The following TPTE2 variants were observed in gnomAD, a reference collection of about 807,000 sequenced individuals.
TPTE2 encodes phosphatidylinositol 3,4,5-trisphosphate 3-phosphatase TPTE2.
Under a neutral mutation model 78.6 loss-of-function variants are expected in TPTE2, and 53 were observed. That is an observed-to-expected ratio of 0.67 (90% CI 0.54 to 0.85). The LOEUF is 0.85. Ranked by LOEUF, TPTE2 falls within the 40% of genes least tolerant of loss-of-function variation. TPTE2 has a pLI of 0.00. For synonymous variants in TPTE2, 175 were observed against 206.2 expected, an observed-to-expected ratio of 0.85 and a Z score of 1.30; for missense variants, 461 against 623.0, an observed-to-expected ratio of 0.74 and a Z score of 2.77.
chr13:19,467,451 A>G, intron 6 of TPTE2, 107 bp from the exon 10 acceptor site: 1 of 821,338 alleles, frequency 1.2e-6, no homozygotes. Context: ...GAATTCTACT[A>G]TCATGAATTA....
upstream of TPTE2, among the ~76,000 whole-genome samples, chr13:19,540,297 T>A (rs1392901127): frequency 6.7e-6 from 1 of 148,972 alleles, no homozygotes; most frequent in Non-Finnish European, 1.5e-5. Flanking sequence ...ATTATTATTA[T>A]TATTATTATT....
At chr13:19,527,032 G>A (rs1319060985) in intron 1 of TPTE2, among the ~76,000 whole-genome samples, 3 of 152,140 alleles carry the variant, frequency 2.0e-5, no homozygotes, top group Admixed American at 6.5e-5. Flanking sequence ...AAGGCCGGGC[G>A]TGGTGGCTCA....
At chr13:19,511,230 T>G (rs1869419495) in intron 1 of TPTE2, among the ~76,000 whole-genome samples, 1 of 152,218 alleles carries the variant, frequency 6.6e-6, no homozygotes, top group Admixed American at 6.5e-5. Context: ...CACTAGGGGA[T>G]GCATGCTGTG....
At chr13:19,474,070 A>G (rs1879795322) in exon 6 of TPTE2, 1 of 1,542,322 alleles carries the variant, frequency 6.5e-7, no homozygotes, top group South Asian at 1.2e-5. Flanking sequence ...GAAAACTCCA[A>G]ATATTCTAAA....
intron 4 of TPTE2, among the ~76,000 whole-genome samples, chr13:19,477,302 A>G (rs998434936): frequency 1.3e-5 from 2 of 152,048 alleles, no homozygotes; most frequent in African/African-American, 2.4e-5. Flanking sequence ...ATGTTAAAAA[A>G]AAAAAACCTC....
chr13:19,503,175 A>G, intron 1 of TPTE2, 49 bp downstream of exon 4: 2 of 1,612,270 alleles, frequency 1.2e-6, no homozygotes, highest in Non-Finnish European at 1.7e-6. Flanking sequence ...GAATACTTCT[A>G]TGCTCAGTTA....
At chr13:19,501,911 T>G (rs1312267624) in intron 1 of TPTE2, among the ~76,000 whole-genome samples, 1 of 151,296 alleles carries the variant, frequency 6.6e-6, no homozygotes, top group Non-Finnish European at 1.5e-5. Context: ...GATAAAGGGC[T>G]AATATCCAGA....
chr13:19,460,526 C>G (rs987386412), intron 10 of TPTE2, among the ~76,000 whole-genome samples: 1 of 152,132 alleles, frequency 6.6e-6, no homozygotes, highest in Non-Finnish European at 1.5e-5. Context: ...CTAAACATTT[C>G]TTTTTTAGCC....
the TPTE2 span, chr13:19,560,689 G>T: frequency 4.2e-5 from 64 of 1,512,346 alleles, 2 homozygotes; most frequent in South Asian, 7.2e-4. Flanking sequence ...CATTAGATGA[G>T]ACACCAGTGC....
chr13:19,493,053 G>T, intron 2 of TPTE2, 150 bp from the exon 6 acceptor site: 1 of 1,078,796 alleles, frequency 9.3e-7, no homozygotes, highest in Non-Finnish European at 1.3e-6. Flanking sequence ...TAGGAACTAA[G>T]GGTGGCAATT....
At chr13:19,437,541 T>A (rs1877185676) in intron 14 of TPTE2, among the ~76,000 whole-genome samples, 1 of 152,168 alleles carries the variant, frequency 6.6e-6, no homozygotes, top group Admixed American at 6.5e-5. Flanking sequence ...CTAAGAGTTG[T>A]GAGGATGGGC....
intron 15 of TPTE2, among the ~76,000 whole-genome samples, chr13:19,433,174 G>A (rs1328713558): frequency 1.3e-5 from 2 of 152,044 alleles, no homozygotes; most frequent in South Asian, 2.1e-4. Flanking sequence ...TTTCTTCAAG[G>A]TATTGAAGAG....
At chr13:19,480,267 C>T (rs1202457256) in intron 4 of TPTE2, among the ~76,000 whole-genome samples, 1 of 152,122 alleles carries the variant, frequency 6.6e-6, no homozygotes, top group Non-Finnish European at 1.5e-5. Context: ...GGTCTTCCTG[C>T]TCACTCTAGA....
chr13:19,475,690 A>C, intron 4 of TPTE2, 67 bp from the exon 8 acceptor site: 1 of 1,497,596 alleles, frequency 6.7e-7, no homozygotes, highest in Non-Finnish European at 9.0e-7. Flanking sequence ...ACCAAAAAAC[A>C]AAGGCCTTTA....
intron 1 of TPTE2, among the ~76,000 whole-genome samples, chr13:19,534,279 A>G (rs1871068352): frequency 1.3e-5 from 2 of 152,332 alleles, no homozygotes; most frequent in South Asian, 4.1e-4. Context: ...GACTTGAAGT[A>G]TGGTTTCTAC....
the TPTE2 span, among the ~76,000 whole-genome samples, chr13:19,548,461 A>G: frequency 3.3e-5 from 5 of 151,870 alleles, no homozygotes; most frequent in Non-Finnish European, 7.4e-5. Context: ...AACTTATCTC[A>G]CTGTTCTTCT....
intron 13 of TPTE2, 156 bp from the exon 17 acceptor site, chr13:19,438,309 T>A: frequency 1.0e-6 from 1 of 985,324 alleles, no homozygotes; most frequent in Non-Finnish European, 1.2e-6. Context: ...CAATCTTGGC[T>A]CATTGCAACC....
At chr13:19,423,446 G>A (rs1353704938) in intron 19 of TPTE2, among the ~76,000 whole-genome samples, 3 of 152,146 alleles carry the variant, frequency 2.0e-5, no homozygotes, top group East Asian at 1.9e-4. Flanking sequence ...ATTTCTCTCT[G>A]TGACAGAAAT....
At chr13:19,505,620 G>C (rs1399494439), upstream of TPTE2, 2 of 152,078 alleles carry the variant, frequency 1.3e-5, no homozygotes, top group African/African-American at 4.8e-5. Context: ...CCTACAAAAT[G>C]ATTGTGGGTT....
Sources: allele counts gnomAD v4.1 joint callset (sites outside exome capture counted in the v4.1 genomes callset), GRCh38; gene constraint gnomAD v4.1.1; transcripts MANE v1.5; gene names NCBI Gene and HGNC (gene_info 2026-07-23, HGNC 2026-07-21).